FOXRED1: variants seen among roughly 807,000 people sequenced by gnomAD.
The protein encoded by FOXRED1 is FAD dependent oxidoreductase domain containing 1.
FOXRED1 carries 52 observed loss-of-function variants against 57.8 expected under a neutral mutation model. That is an observed-to-expected ratio of 0.90 (90% CI 0.72 to 1.13). FOXRED1 has a LOEUF of 1.13. FOXRED1 is among the 50% of genes most tolerant of loss of function. The pLI, the probability that FOXRED1 is intolerant of heterozygous loss-of-function variation, is 0.00. For synonymous variants in FOXRED1, 271 were observed against 248.3 expected (o/e 1.09, Z -0.86); for missense variants, 589 against 625.2 (o/e 0.94, Z 0.62).
Position 126,275,992 on chromosome 11 carries a change from G to A in FOXRED1, c.811-67G>A. The A allele has an allele frequency of 6.2e-7, 1 of 1,600,704 alleles. No homozygotes were observed. The highest frequency in any genetic ancestry group is 1.1e-5 in the South Asian group (1 of 90,806). Reference sequence around the variant, plus strand: ...TGGGTAAACTAAGGCTCAGGAAGCAGTGCATCTCTCAGGGTGCCTGGTGTG... The same window carrying A: ...TGGGTAAACTAAGGCTCAGGAAGCAATGCATCTCTCAGGGTGCCTGGTGTG... On this transcript the variant is annotated intron_variant, in intron 7 of 10. Coordinates refer to ENST00000263578, the MANE Select transcript of FOXRED1 (RefSeq NM_017547.4). The surrounding 1 kb of genome is among the most constrained non-coding windows in gnomAD (Gnocchi z 5.9).
In FOXRED1 at chr11:126,269,201, G is replaced by C. The variant is rs1453378553; in HGVS notation, c.-6G>C. The C allele has an allele frequency of 2.5e-6, 4 of 1,609,992 alleles. No homozygotes were observed. In the Admixed American group the frequency reaches 5.0e-5, roughly 20 times the overall value. On this transcript the variant is annotated 5_prime_UTR_variant, in exon 1 of 11. Transcript: ENST00000263578. ...AGCTTTCAGAGGGTCCGGGCTCAGA[G>C]GGGTTATGATTCGGAGGGTTCTGCC...
At position 126,273,342 on chromosome 11, in the gene FOXRED1, C is replaced by T; in HGVS notation, c.424C>T (p.Leu142=). ...ASFLRNINEY[L]AVVDAPPLDL... is the part of the protein sequence containing the mutation. Reference sequence around the variant, plus strand: ...AGCTTCTGTCTGCACACAGGAGTACCTGGCCGTAGTCGATGCTCCTCCCCT... The same window carrying T: ...AGCTTCTGTCTGCACACAGGAGTACTTGGCCGTAGTCGATGCTCCTCCCCT... Residue 142 remains leucine, a synonymous_variant, in exon 4 of 11, where the codon CTG becomes TTG. Coordinates refer to ENST00000263578, the MANE Select transcript of FOXRED1 (RefSeq NM_017547.4). This position sits in a 1 kb window ranked among gnomAD's most constrained non-coding sequence, Gnocchi z 5.9. 1 of 1,611,376 alleles carries T rather than the reference C, an allele frequency of 6.2e-7. No individual in the cohort carries two copies. Among genetic ancestry groups the T allele is most frequent in the Non-Finnish European group, 8.5e-7 (1 of 1,177,614 alleles).
Position 126,273,263 on chromosome 11 carries a change from G to T in FOXRED1, c.418-73G>T. On this transcript the variant is annotated intron_variant, in intron 3 of 10. Transcript: ENST00000263578. This position sits in a 1 kb window ranked among gnomAD's most constrained non-coding sequence, Gnocchi z 5.9. ...GGGGCACTGAGCCTGGGGAGCTGTG[G>T]GGGAAGAAGGCAGGAAAACTCTTTC... 1.7e-6 allele frequency: 2 copies of T among 1,210,626 alleles called. No individual in the cohort carries two copies. The highest frequency in any genetic ancestry group is 2.3e-5 in the East Asian group (1 of 43,024). 75.0% of individuals were successfully genotyped at this position (1,210,626 alleles called of 1,614,324 possible).
In FOXRED1 at chr11:126,273,175, A is replaced by G; in HGVS notation, c.417+96A>G. On this transcript the variant is annotated intron_variant, in intron 3 of 10. Coordinates refer to ENST00000263578, the MANE Select transcript of FOXRED1 (RefSeq NM_017547.4). The surrounding 1 kb of genome is among the most constrained non-coding windows in gnomAD (Gnocchi z 5.9). Reference sequence around the variant, plus strand: ...CTAGCAAGGTAGCCAGAGAGCAAGAATGGGTCAGCCAACTAGGAGAGGGGG... The same window carrying G: ...CTAGCAAGGTAGCCAGAGAGCAAGAGTGGGTCAGCCAACTAGGAGAGGGGG... 1.0e-6 allele frequency: 1 copy of G among 978,116 alleles called. No homozygotes were observed. Among genetic ancestry groups the G allele is most frequent in the Non-Finnish European group, 1.7e-6 (1 of 599,858 alleles). 60.6% of individuals were successfully genotyped at this position (978,116 alleles called of 1,614,324 possible).
At chr11:126,269,914 A>C (rs1950930506) in intron 1 of FOXRED1, among the ~76,000 whole-genome samples, 1 of 150,650 alleles carries the variant, frequency 6.6e-6, no homozygotes, top group African/African-American at 2.5e-5. Context: ...TTGAACCCGG[A>C]AGGCGAAGGT....
chr11:126,273,785 T>C lies in FOXRED1; in HGVS notation c.536+331T>C. 2.7e-6 allele frequency: 1 copy of C among 375,914 alleles called. No individual in the cohort carries two copies. Among genetic ancestry groups the C allele is most frequent in the Middle Eastern group, 8.9e-4 (1 of 1,128 alleles). The allele number at this position is 375,914 out of a possible 1,614,324, so 23.3% of individuals were successfully genotyped here. Reference sequence around the variant, plus strand: ...CCTTAAGTCAGGAGTTAGCAAACTTTTTCTGTAAAGGGCCAGATAGTATAT... The same window carrying C: ...CCTTAAGTCAGGAGTTAGCAAACTTCTTCTGTAAAGGGCCAGATAGTATAT... On this transcript the variant is annotated intron_variant, in intron 4 of 10. Coordinates refer to ENST00000263578, the MANE Select transcript of FOXRED1 (RefSeq NM_017547.4). This position sits in a 1 kb window ranked among gnomAD's most constrained non-coding sequence, Gnocchi z 5.9.
chr11:126,273,514 C>T lies in FOXRED1; in HGVS notation c.536+60C>T. 8.9e-7 allele frequency: 1 copy of T among 1,120,354 alleles called. No homozygotes were observed. The highest frequency in any genetic ancestry group is 1.7e-5 in the Admixed American group (1 of 59,406). 69.4% of individuals were successfully genotyped at this position (1,120,354 alleles called of 1,614,324 possible). ...AGCCAAAGGTGTTGGGTGACTCCTG[C>T]ACCAGGTTAGGAAGCGAGAAAGTGG... On this transcript the variant is annotated intron_variant, in intron 4 of 10. Transcript: ENST00000263578. The surrounding 1 kb of genome is among the most constrained non-coding windows in gnomAD (Gnocchi z 5.9).
chr11:126,275,133 C>A lies in FOXRED1; in HGVS notation c.631+112C>A. The stretch of plus-strand genomic sequence containing the variant: ...GCCAAGCTGAAGGAGGAACACTTCC[C>A]TCCTGTGTCACGGGAACTGCCCTGG... On this transcript the variant is annotated intron_variant, in intron 5 of 10. Coordinates refer to ENST00000263578, the MANE Select transcript of FOXRED1 (RefSeq NM_017547.4). This position sits in a 1 kb window ranked among gnomAD's most constrained non-coding sequence, Gnocchi z 5.9. 2 of 844,968 alleles carry A rather than the reference C, an allele frequency of 2.4e-6. No individual in the cohort carries two copies. Among genetic ancestry groups the A allele is most frequent in the Admixed American group, 1.9e-5 (1 of 51,594 alleles). The allele number at this position is 844,968 out of a possible 1,614,324, so 52.3% of individuals were successfully genotyped here. A position where few individuals can be genotyped will look rare whatever the true frequency, so the allele number is the denominator to read the frequency against.
Position 126,269,232 on chromosome 11 carries a change from G to A in FOXRED1, c.26G>A (p.Gly9Asp), listed in dbSNP as rs1464935775. The A allele has an allele frequency of 6.2e-7, 1 of 1,613,946 alleles. No individual in the cohort carries two copies. The highest frequency in any genetic ancestry group is 1.3e-5 in the African/African-American group (1 of 74,954). The part of the protein sequence containing the change: MIRRVLPH[G>D]MGRGLLTRRP... ...ATGATTCGGAGGGTTCTGCCGCACGGCATGGGCCGGGGCCTCTTGACCCGG... is the reference window on the plus strand; with the variant it reads ...ATGATTCGGAGGGTTCTGCCGCACGACATGGGCCGGGGCCTCTTGACCCGG... Residue 9 changes from glycine (G) to aspartate (D), a missense_variant, in exon 1 of 11, where the codon GGC (glycine) becomes GAC (aspartate). Coordinates refer to ENST00000263578, the MANE Select transcript of FOXRED1 (RefSeq NM_017547.4).
At chr11:126,276,940 T>C (rs1951169152) in intron 9 of FOXRED1, 131 bp from the exon 10 acceptor site, 1 of 734,834 alleles carries the variant, frequency 1.4e-6, no homozygotes, top group South Asian at 1.4e-5. Context: ...TTAATTGATA[T>C]TAGAGCCCCC....
rs529238384 is a variant in FOXRED1 at position 126,272,636 on chromosome 11, C to T, written c.307-333C>T. 1.6e-4 allele frequency: 63 copies of T among 396,282 alleles called. No individual in the cohort carries two copies. Among genetic ancestry groups the T allele is most frequent in the African/African-American group, 2.9e-4 (14 of 48,812 alleles). The allele number at this position is 396,282 out of a possible 1,614,324, so 24.5% of individuals were successfully genotyped here. A position where few individuals can be genotyped will look rare whatever the true frequency, so the allele number is the denominator to read the frequency against. On this transcript the variant is annotated intron_variant, in intron 2 of 10. Transcript: ENST00000263578. This position sits in a 1 kb window ranked among gnomAD's most constrained non-coding sequence, Gnocchi z 4.6. ...TCCTGTTTGCATTGCCAGCTAGCCA[C>T]GAGTCTTGCTACTTTACTTCAATCA...
Position 126,277,146 on chromosome 11 carries a change from C to T in FOXRED1, c.1177C>T (p.Leu393=). 6.2e-7 allele frequency: 1 copy of T among 1,612,458 alleles called. No individual in the cohort carries two copies. The highest frequency in any genetic ancestry group is 8.5e-7 in the Non-Finnish European group (1 of 1,178,766). The change falls in exon 10 of 11, where the codon CTG becomes TTG. Residue 393 remains leucine, a synonymous_variant. Coordinates refer to ENST00000263578, the MANE Select transcript of FOXRED1 (RefSeq NM_017547.4). This position sits in a 1 kb window ranked among gnomAD's most constrained non-coding sequence, Gnocchi z 6.8. ...GGACAAGGTGTGGCCCCATTTGGCCCTGAGGGTCCCAGCTTTTGAGACTCT... is the reference window on the plus strand; with the variant it reads ...GGACAAGGTGTGGCCCCATTTGGCCTTGAGGGTCCCAGCTTTTGAGACTCT... ...FQDKVWPHLA[L]RVPAFETLKV... is the part of the protein sequence containing the mutation.
Position 126,277,962 on chromosome 11 carries a change from G to C in FOXRED1, c.*273G>C, listed in dbSNP as rs1951203474. 1 of 634,782 alleles carries C rather than the reference G, an allele frequency of 1.6e-6. No homozygotes were observed. Among genetic ancestry groups the C allele is most frequent in the Admixed American group, 2.1e-5 (1 of 47,740 alleles). The allele number at this position is 634,782 out of a possible 1,614,324, so 39.3% of individuals were successfully genotyped here. On this transcript the variant is annotated 3_prime_UTR_variant, in exon 11 of 11. Transcript: ENST00000263578. The surrounding 1 kb of genome is among the most constrained non-coding windows in gnomAD (Gnocchi z 6.8). Reference sequence around the variant, plus strand: ...ATCCATCTGGAGGCCTGAGCACCCTGGCCCAGGACTGGCTTCATCCTGGCA... The same window carrying C: ...ATCCATCTGGAGGCCTGAGCACCCTCGCCCAGGACTGGCTTCATCCTGGCA...
chr11:126,277,349 G>C lies in FOXRED1; in HGVS notation c.1207-86G>C. The C allele has an allele frequency of 2.0e-6, 3 of 1,489,428 alleles. No individual in the cohort carries two copies. The highest frequency in any genetic ancestry group is 2.8e-6 in the Non-Finnish European group (3 of 1,068,528). 92.3% of individuals were successfully genotyped at this position (1,489,428 alleles called of 1,614,324 possible). ...ATAGACCCCTCAGCAGCAGGTAGAG[G>C]GTACTCTGTGCTGAGCCCTGAGGGG... On this transcript the variant is annotated intron_variant, in intron 10 of 10. Transcript: ENST00000263578. The surrounding 1 kb of genome is among the most constrained non-coding windows in gnomAD (Gnocchi z 6.8).
In FOXRED1 at chr11:126,276,190, C is replaced by T. The variant is rs1212731070; in HGVS notation, c.942C>T (p.Gly314=). The part of the protein sequence containing the change: ...VGEGPPGTLQ[G]TKLPVEPRKR... ...AGGGGCCGCCTGGCACCCTGCAGGG[C>T]ACCAAGCTACCTGTGGAGCCGAGGA... Residue 314 remains glycine (G), a synonymous_variant, in exon 8 of 11, where the codon GGC becomes GGT. Coordinates refer to ENST00000263578, the MANE Select transcript of FOXRED1 (RefSeq NM_017547.4). 23 of 1,600,888 alleles carry T rather than the reference C, an allele frequency of 1.4e-5. No homozygotes were observed. Among genetic ancestry groups the T allele is most frequent in the Non-Finnish European group, 1.9e-5 (22 of 1,175,584 alleles).
Position 126,275,303 on chromosome 11 carries a change from T to G in FOXRED1, c.632-24T>G. The G allele has an allele frequency of 2.0e-6, 3 of 1,520,628 alleles. No individual in the cohort carries two copies. Among genetic ancestry groups the G allele is most frequent in the Non-Finnish European group, 2.7e-6 (3 of 1,094,768 alleles). The allele number at this position is 1,520,628 out of a possible 1,614,324, so 94.2% of individuals were successfully genotyped here. ...GAGCAGAAGTCCTCATCCCTCTTTGTGAGTTCTCTTTTTCTTATCACAGGG... is the reference window on the plus strand; with the variant it reads ...GAGCAGAAGTCCTCATCCCTCTTTGGGAGTTCTCTTTTTCTTATCACAGGG... On this transcript the variant is annotated intron_variant, in intron 5 of 10. Transcript: ENST00000263578. The surrounding 1 kb of genome is among the most constrained non-coding windows in gnomAD (Gnocchi z 5.9).
At chr11:126,276,002 CAG>C in intron 7 of FOXRED1, 55 bp from the exon 8 acceptor site, 2 of 1,606,716 alleles carry the variant, frequency 1.2e-6, no homozygotes, top group African/African-American at 1.3e-5. Context: ...GTGCATCTCT[CAG>C]GGTGCCTGGT....
In FOXRED1 at chr11:126,277,186, A is replaced by G; in HGVS notation, c.1206+11A>G. The G allele has an allele frequency of 6.5e-7, 1 of 1,548,846 alleles. No homozygotes were observed. Among genetic ancestry groups the G allele is most frequent in the Non-Finnish European group, 8.9e-7 (1 of 1,120,732 alleles). On this transcript the variant is annotated intron_variant, in intron 10 of 10. Coordinates refer to ENST00000263578, the MANE Select transcript of FOXRED1 (RefSeq NM_017547.4). The surrounding 1 kb of genome is among the most constrained non-coding windows in gnomAD (Gnocchi z 6.8). ...TTTGAGACTCTGAAGGTAACTGGCA[A>G]GGGCTGGTTTTCCTTTTTATTTTTG... is the stretch of plus-strand genomic sequence containing the variant.
rs925396269 is a variant in FOXRED1 at position 126,271,107 on chromosome 11, C to T, written c.86-330C>T. The T allele has an allele frequency of 1.7e-5, 6 of 359,944 alleles. No individual in the cohort carries two copies. Among genetic ancestry groups the T allele is most frequent in the Non-Finnish European group, 3.2e-5 (6 of 184,860 alleles). 22.3% of individuals were successfully genotyped at this position (359,944 alleles called of 1,614,324 possible). On this transcript the variant is annotated intron_variant, in intron 1 of 10. Transcript: ENST00000263578. This position sits in a 1 kb window ranked among gnomAD's most constrained non-coding sequence, Gnocchi z 5.3. ...TGTGCCAGGGCCTCTTGGTCCAAGG[C>T]CTGGAAGACCCAAGTGGGGATGACA...
Sources: gnomAD v4.1 joint callset for allele counts (sites outside exome capture counted in the v4.1 genomes callset) on GRCh38, gnomAD v4.1.1 for gene constraint, Gnocchi (gnomAD v3.1) non-coding constraint, MANE v1.5 for transcripts, NCBI Gene and HGNC (gene_info 2026-07-23, HGNC 2026-07-21) for gene names.